TMEM242: variants seen among roughly 807,000 people sequenced by gnomAD.
TMEM242 encodes UPF0463 transmembrane protein C6orf35.
A neutral mutation model predicts 18.2 loss-of-function variants in TMEM242; 10 were observed. That is an observed-to-expected ratio of 0.55 (90% CI 0.34 to 0.93). The LOEUF is 0.93. TMEM242 is among the 40% of genes least tolerant of loss of function. TMEM242 has a pLI of 0.02. For missense variants in TMEM242, 186 were observed against 175.5 expected (o/e 1.06, Z -0.34); for synonymous variants, 57 against 69.9 (o/e 0.81, Z 0.92).
chr6:157,313,281 T>A lies in TMEM242; in HGVS notation c.327+5501A>T, dbSNP rs797035422. ...CTGGCCTCATCATAGTGTCCCAGTGTGCGCTCATCCGGCATCATCATAGTG... is the reference window on the plus strand; with the variant it reads ...CTGGCCTCATCATAGTGTCCCAGTGAGCGCTCATCCGGCATCATCATAGTG... On this transcript the variant is annotated intron_variant, in intron 3 of 3. Coordinates refer to ENST00000400788, the MANE Select transcript of TMEM242 (RefSeq NM_018452.6). Among the ~76,000 whole-genome samples the A allele has an allele frequency of 5.7e-5, 3 of 52,466 alleles. No homozygotes were observed. The East Asian group carries it at 3.2e-3, about 55-fold the overall frequency. 34.4% of individuals were successfully genotyped at this position (52,466 alleles called of 152,430 possible).
intron 3 of TMEM242, among the ~76,000 whole-genome samples, chr6:157,308,462 C>T (rs1777945580): frequency 2.0e-5 from 3 of 152,066 alleles, no homozygotes; most frequent in African/African-American, 4.8e-5. Flanking sequence ...CCAATACTGT[C>T]CTAGAGGAAA....
chr6:157,308,221 G>A lies in TMEM242; in HGVS notation c.327+10561C>T, dbSNP rs587765550. 5.3e-5 allele frequency among the ~76,000 whole-genome samples: 8 copies of A among 152,268 alleles called. No homozygotes were observed. In the East Asian group the frequency reaches 7.7e-4, roughly 15 times the overall value. ...ACTCTACAACGCTGCTTCATTTGAG[G>A]TGAATAGGTAAAAATAATGCAGGAA... On this transcript the variant is annotated intron_variant, in intron 3 of 3. Transcript: ENST00000400788.
chr6:157,313,127 C>A (rs1554249631), intron 3 of TMEM242, among the ~76,000 whole-genome samples: 27 of 139,830 alleles, frequency 1.9e-4, no homozygotes, highest in African/African-American at 7.1e-4. Context: ...CACCCGGCCT[C>A]ATCATAGTGT....
Position 157,320,905 on chromosome 6 carries a change from T to G in TMEM242, c.189+1800A>C, listed in dbSNP as rs147186208. Among the ~76,000 whole-genome samples the G allele has an allele frequency of 8.2e-4, 125 of 152,188 alleles. 1 individual carries two copies. In the East Asian group the frequency reaches 0.023, roughly 28 times the overall value. The stretch of plus-strand genomic sequence containing the variant: ...AAAATGATATTCTATAGGAAAAAAG[T>G]GGCTAGTTCAGCTTGCAATTCAATT... On this transcript the variant is annotated intron_variant, in intron 2 of 3. Transcript: ENST00000400788.
intron 3 of TMEM242, among the ~76,000 whole-genome samples, chr6:157,316,727 T>A (rs781831815): frequency 1.2e-4 from 18 of 151,798 alleles, no homozygotes; most frequent in Non-Finnish European, 2.6e-4. Context: ...ATAAAAAAAA[T>A]GAGCCAGGCA....
Position 157,292,510 on chromosome 6 carries a change from T to G in TMEM242, c.*391A>C, listed in dbSNP as rs1777696793. 6.4e-6 allele frequency: 1 copy of G among 156,388 alleles called. No individual in the cohort carries two copies. Among genetic ancestry groups the G allele is most frequent in the African/African-American group, 2.4e-5 (1 of 41,564 alleles). The allele number at this position is 156,388 out of a possible 1,614,324, so 9.7% of individuals were successfully genotyped here. ...GACAAGAAAGGCTCTTGAAACTCCT[T>G]TAATTAGACACATTGCAGTACTATT... On this transcript the variant is annotated 3_prime_UTR_variant, in exon 4 of 4. Transcript: ENST00000400788.
In TMEM242 at chr6:157,303,786, A is replaced by G. The variant is rs112397635; in HGVS notation, c.328-10787T>C. ...AGAATGCAAATTGTAGTTTTAAAAT[A>G]AATTAGTGGGCTCTAATTCTATTGC... is the stretch of plus-strand genomic sequence containing the variant. On this transcript the variant is annotated intron_variant, in intron 3 of 3. Transcript: ENST00000400788. 1.8e-4 allele frequency among the ~76,000 whole-genome samples: 27 copies of G among 151,474 alleles called. 1 individual carries two copies. The highest frequency in any genetic ancestry group is 6.5e-4 in the African/African-American group (27 of 41,238).
chr6:157,290,214 T>C lies in TMEM242; in HGVS notation c.*2687A>G, dbSNP rs1777667454. ...AGTGTAAAGCTTAACACTCACCCAG[T>C]GGAAGCAACAGCCTTACCGAAAGCC... On this transcript the variant is annotated 3_prime_UTR_variant, in exon 4 of 4. Coordinates refer to ENST00000400788, the MANE Select transcript of TMEM242 (RefSeq NM_018452.6). 6.6e-6 allele frequency: 1 copy of C among 152,292 alleles called. No homozygotes were observed. The highest frequency in any genetic ancestry group is 1.9e-4 in the East Asian group (1 of 5,192). 9.4% of individuals were successfully genotyped at this position (152,292 alleles called of 1,614,324 possible). A position where few individuals can be genotyped will look rare whatever the true frequency, so the allele number is the denominator to read the frequency against.
At chr6:157,308,347 T>C (rs1349183360) in intron 3 of TMEM242, among the ~76,000 whole-genome samples, 3 of 152,168 alleles carry the variant, frequency 2.0e-5, no homozygotes, top group African/African-American at 7.2e-5. Context: ...GCCCTCCAGT[T>C]GGTCATAAGG....
intron 3 of TMEM242, among the ~76,000 whole-genome samples, chr6:157,297,168 T>C (rs1289907326): frequency 2.0e-5 from 3 of 152,182 alleles, no homozygotes; most frequent in Non-Finnish European, 4.4e-5. Context: ...TTTAAAGCTA[T>C]GGTGATGGAA....
Position 157,305,658 on chromosome 6 carries a change from AGAGGCTGGCCAGGGGAGGGG to A in TMEM242, c.328-12679_328-12660del, listed in dbSNP as rs1407836954. Among the ~76,000 whole-genome samples, 4 of 152,348 alleles carry A rather than the reference AGAGGCTGGCCAGGGGAGGGG, an allele frequency of 2.6e-5. No homozygotes were observed. The highest frequency in any genetic ancestry group is 2.1e-4 in the South Asian group (1 of 4,826). ...TAGGAGCTACTGGACACTGATGTTA[AGAGGCTGGCCAGGGGAGGGG>A]TTGGCACAAGAGACAGGCAAAATGT... is the stretch of plus-strand genomic sequence containing the variant. On this transcript the variant is annotated intron_variant, in intron 3 of 3. Transcript: ENST00000400788. The surrounding 1 kb of genome is among the most constrained non-coding windows in gnomAD (Gnocchi z 4.1).
At chr6:157,310,467 C>T (rs111508551) in intron 3 of TMEM242, among the ~76,000 whole-genome samples, 145 of 2,250 alleles carry the variant, frequency 0.064, no homozygotes, top group Middle Eastern at 0.17. Context: ...CATCACAGTG[C>T]CCCAGTGTGT....
rs782107454 is a variant in TMEM242 at position 157,318,791 on chromosome 6, T to G, written c.318A>C (p.Gly106=). Residue 106 remains glycine, a synonymous_variant, in exon 3 of 4, where the codon GGA becomes GGC. Transcript: ENST00000400788. ...VISFAVWKAL[G]VHSMNDFRSK... The stretch of plus-strand genomic sequence containing the variant: ...GACAGTAGTTACTTACACTGTGAAC[T>G]CCTAAAGCTTTCCAGACTGCGAAGC... The G allele has an allele frequency of 2.5e-6, 4 of 1,614,002 alleles. No homozygotes were observed. Among genetic ancestry groups the G allele is most frequent in the South Asian group, 2.2e-5 (2 of 91,078 alleles).
At chr6:157,310,466 G>A (rs891052519) in intron 3 of TMEM242, among the ~76,000 whole-genome samples, 6 of 151,898 alleles carry the variant, frequency 4.0e-5, no homozygotes, top group African/African-American at 1.5e-4. Context: ...TCATCACAGT[G>A]CCCCAGTGTG....
Position 157,292,726 on chromosome 6 carries a change from C to G in TMEM242, c.*175G>C. ...ACTGTGGGAAAACTTTACCCTCCCC[C>G]AGCACGCACACACATACTCTCCTGT... On this transcript the variant is annotated 3_prime_UTR_variant, in exon 4 of 4. Transcript: ENST00000400788. The G allele has an allele frequency of 6.7e-6, 3 of 449,836 alleles. No individual in the cohort carries two copies. Among genetic ancestry groups the G allele is most frequent in the Non-Finnish European group, 1.2e-5 (3 of 253,626 alleles). The allele number at this position is 449,836 out of a possible 1,614,324, so 27.9% of individuals were successfully genotyped here.
Position 157,307,378 on chromosome 6 carries a change from C to T in TMEM242, c.327+11404G>A, listed in dbSNP as rs189647773. 4.7e-4 allele frequency among the ~76,000 whole-genome samples: 71 copies of T among 152,244 alleles called. 1 individual carries two copies. The highest frequency in any genetic ancestry group is 1.5e-3 in the African/African-American group (61 of 41,536). On this transcript the variant is annotated intron_variant, in intron 3 of 3. Transcript: ENST00000400788. ...CTGATTTGTCCCAGTCCTTGTCGCA[C>T]GTTCCCACTTGATAAAATGCTTGGG... is the stretch of plus-strand genomic sequence containing the variant.
rs781859067 is a variant in TMEM242 at position 157,290,921 on chromosome 6, T to A, written c.*1980A>T. On this transcript the variant is annotated 3_prime_UTR_variant, in exon 4 of 4. Transcript: ENST00000400788. ...TTTGTAGACACGAGGCATGCCACTCTAGTATTAGGACACTCTTTCAGCAAC... is the reference window on the plus strand; with the variant it reads ...TTTGTAGACACGAGGCATGCCACTCAAGTATTAGGACACTCTTTCAGCAAC... The A allele has an allele frequency of 4.6e-5, 7 of 152,226 alleles. No homozygotes were observed. Among genetic ancestry groups the A allele is most frequent in the Non-Finnish European group, 1.0e-4 (7 of 68,048 alleles). The allele number at this position is 152,226 out of a possible 1,614,324, so 9.4% of individuals were successfully genotyped here.
chr6:157,314,575 G>A (rs1164105363), intron 3 of TMEM242, among the ~76,000 whole-genome samples: 2 of 152,234 alleles, frequency 1.3e-5, no homozygotes, highest in African/African-American at 4.8e-5. Context: ...GGGGAGCAGG[G>A]TAGATACTGA....
At position 157,320,793 on chromosome 6, in the gene TMEM242, T is replaced by G. The variant is rs191002360; in HGVS notation, c.190-1874A>C. Among the ~76,000 whole-genome samples the G allele has an allele frequency of 3.7e-4, 57 of 152,290 alleles. 1 individual carries two copies. Among genetic ancestry groups the G allele is most frequent in the African/African-American group, 1.2e-3 (49 of 41,566 alleles). ...CACTTGAAAGCTTGAATTTTATCAG[T>G]GGCAATAAATACTGACAATTGTTTG... On this transcript the variant is annotated intron_variant, in intron 2 of 3. Transcript: ENST00000400788.
Sources: gnomAD v4.1 joint callset for allele counts (sites outside exome capture counted in the v4.1 genomes callset) on GRCh38, gnomAD v4.1.1 for gene constraint, Gnocchi (gnomAD v3.1) non-coding constraint, MANE v1.5 for transcripts, NCBI Gene and HGNC (gene_info 2026-07-23, HGNC 2026-07-21) for gene names.